Variants in FBXL2 observed in about 807,000 individuals in gnomAD.
The protein encoded by FBXL2 is F-box and leucine rich repeat protein 2.
FBXL2 carries 38 observed loss-of-function variants against 69.2 expected under a neutral mutation model. The observed-to-expected ratio is 0.55, with a 90% CI of 0.42 to 0.72. The LOEUF (loss-of-function observed/expected upper bound fraction) is 0.72. FBXL2 is among the 30% of genes least tolerant of loss of function. The pLI is 0.00. For missense variants in FBXL2, 354 were observed against 520.3 expected (o/e 0.68, Z 3.11); for synonymous variants, 192 against 201.3 (o/e 0.95, Z 0.39).
intron 2 of FBXL2, among the ~76,000 whole-genome samples, chr3:33,298,864 T>C (rs2035994951): frequency 6.6e-6 from 1 of 152,056 alleles, no homozygotes; most frequent in East Asian, 1.9e-4. Flanking sequence ...AAACCAGATT[T>C]TGTGATCAAA....
chr3:33,329,039 CAAACA>C (rs914044147), intron 2 of FBXL2, among the ~76,000 whole-genome samples: 10 of 151,970 alleles, frequency 6.6e-5, no homozygotes, highest in African/African-American at 2.2e-4. Flanking sequence ...AGTAGCAAAA[CAAACA>C]AAACAAAACA....
chr3:33,385,483 T>G lies in FBXL2; in HGVS notation c.1165-18T>G, dbSNP rs1455962290. 6.2e-7 allele frequency: 1 copy of G among 1,608,972 alleles called. No individual in the cohort carries two copies. The highest frequency in any genetic ancestry group is 8.5e-7 in the Non-Finnish European group (1 of 1,175,396). ...ATAGTAATGTGTAAAGACTCCACTT[T>G]TTTCTTCATCCTTCCAGGCTCAGCT... On this transcript the variant is annotated intron_variant, in intron 14 of 14. Coordinates refer to ENST00000484457, the MANE Select transcript of FBXL2 (RefSeq NM_012157.5).
In FBXL2 at chr3:33,387,069, C is replaced by T. The variant is rs987207845; in HGVS notation, c.*1461C>T. The stretch of plus-strand genomic sequence containing the variant: ...ATAATCTCCCCATAAACGGACTTAG[C>T]ACAATTATCATCAGAGTAAGCATTA... On this transcript the variant is annotated 3_prime_UTR_variant, in exon 15 of 15. Transcript: ENST00000484457. 2 of 152,104 alleles carry T rather than the reference C, an allele frequency of 1.3e-5. No individual in the cohort carries two copies. Among genetic ancestry groups the T allele is most frequent in the African/African-American group, 4.8e-5 (2 of 41,382 alleles). 9.4% of individuals were successfully genotyped at this position (152,104 alleles called of 1,614,324 possible).
chr3:33,299,119 G>A lies in FBXL2; in HGVS notation c.65+1394G>A, dbSNP rs183297109. On this transcript the variant is annotated intron_variant, in intron 2 of 14. Transcript: ENST00000484457. ...TGCAATGGCATGATCTCGGCTCACC[G>A]CATCTTCCGCCTCCCAGGTTCAAGC... Among the ~76,000 whole-genome samples the A allele has an allele frequency of 5.7e-4, 86 of 151,760 alleles. 1 individual carries two copies. The highest frequency in any genetic ancestry group is 3.2e-3 in the Admixed American group (48 of 15,224).
At chr3:33,394,601 C>T (rs1193399943) in intron 12 of FBXL2, among the ~76,000 whole-genome samples, 1 of 152,138 alleles carries the variant, frequency 6.6e-6, no homozygotes, top group Non-Finnish European at 1.5e-5. Flanking sequence ...CACTCTTGTA[C>T]GTCCTGCTCA....
At chr3:33,298,067 C>A in intron 2 of FBXL2, 2 of 261,510 alleles carry the variant, frequency 7.6e-6, no homozygotes, top group African/African-American at 2.3e-5. Context: ...GTTGTGAGCT[C>A]CTGAAGTCAT....
At chr3:33,324,912 A>T (rs1399491532) in intron 2 of FBXL2, among the ~76,000 whole-genome samples, 1 of 152,100 alleles carries the variant, frequency 6.6e-6, no homozygotes, top group African/African-American at 2.4e-5. Flanking sequence ...CATTTTCACG[A>T]TATTGATTCT....
downstream of FBXL2, chr3:33,390,656 A>G (rs1389123214): frequency 2.2e-5 from 10 of 463,398 alleles, no homozygotes; most frequent in Non-Finnish European, 4.0e-5. Flanking sequence ...AAGACACACA[A>G]TAATAGTGCT....
chr3:33,319,665 T>C (rs1286403320), intron 2 of FBXL2, among the ~76,000 whole-genome samples: 1 of 152,202 alleles, frequency 6.6e-6, no homozygotes, highest in Non-Finnish European at 1.5e-5. Context: ...TGATTATGTA[T>C]TTTAATGTAT....
chr3:33,384,218 G>A lies in FBXL2; in HGVS notation c.1164+17G>A. On this transcript the variant is annotated intron_variant, in intron 14 of 14. Coordinates refer to ENST00000484457, the MANE Select transcript of FBXL2 (RefSeq NM_012157.5). ...CGGATGCGGGTAGGTATGGGGCAGG[G>A]GAGTCAGTCACACCTGACATTTCTA... 1.2e-6 allele frequency: 2 copies of A among 1,610,758 alleles called. No individual in the cohort carries two copies. Among genetic ancestry groups the A allele is most frequent in the Non-Finnish European group, 8.5e-7 (1 of 1,177,858 alleles).
At chr3:33,319,047 A>G (rs1352406730) in intron 2 of FBXL2, among the ~76,000 whole-genome samples, 1 of 152,202 alleles carries the variant, frequency 6.6e-6, no homozygotes, top group Non-Finnish European at 1.5e-5. Context: ...CCCAGGCAAG[A>G]TGGGAGTTTT....
intron 2 of FBXL2, among the ~76,000 whole-genome samples, chr3:33,308,632 CT>C (rs1348039038): frequency 6.6e-6 from 1 of 152,138 alleles, no homozygotes; most frequent in Admixed American, 6.5e-5. Context: ...AACATGAGTA[CT>C]AAAAACAGGC....
At chr3:33,361,990 G>T (rs777407919) in intron 4 of FBXL2, among the ~76,000 whole-genome samples, 1 of 152,180 alleles carries the variant, frequency 6.6e-6, no homozygotes, top group African/African-American at 2.4e-5. Context: ...AATATTTGTT[G>T]TGTGCCTGAC....
chr3:33,346,948 A>G (rs1186865354), intron 2 of FBXL2, among the ~76,000 whole-genome samples: 4 of 152,218 alleles, frequency 2.6e-5, no homozygotes, highest in Non-Finnish European at 5.9e-5. Context: ...CCGTCCCTTC[A>G]AGCATTTATC....
chr3:33,338,192 G>C (rs571451220), intron 2 of FBXL2, among the ~76,000 whole-genome samples: 1 of 152,020 alleles, frequency 6.6e-6, no homozygotes, highest in South Asian at 2.1e-4. Flanking sequence ...CAGGTAGATC[G>C]CTTGCGATCA....
At chr3:33,405,167 T>C (rs1308352411), downstream of FBXL2, among the ~76,000 whole-genome samples, 1 of 151,834 alleles carries the variant, frequency 6.6e-6, no homozygotes. Flanking sequence ...GCCTCAGGAA[T>C]AAAAAATAAA....
the FBXL2 span, among the ~76,000 whole-genome samples, chr3:33,411,905 A>G: frequency 6.6e-6 from 1 of 152,130 alleles, no homozygotes; most frequent in African/African-American, 2.4e-5. Flanking sequence ...TAAGAATATG[A>G]TAAGGCTGAG....
At chr3:33,298,092 T>C (rs749297580) in intron 2 of FBXL2, 29 of 246,936 alleles carry the variant, frequency 1.2e-4, no homozygotes, top group Non-Finnish European at 2.1e-4. Flanking sequence ...TTTTTGATGT[T>C]TTCAGACAAA....
intron 2 of FBXL2, among the ~76,000 whole-genome samples, chr3:33,315,258 TTTCTC>T (rs1014093617): frequency 3.3e-5 from 5 of 151,728 alleles, no homozygotes; most frequent in Admixed American, 2.0e-4. Context: ...CTTTCTTTCT[TTTCTC>T]TTATCTTTCT....
Sources: gnomAD v4.1 joint callset for allele counts (sites outside exome capture counted in the v4.1 genomes callset) on GRCh38, gnomAD v4.1.1 for gene constraint, MANE v1.5 for transcripts, NCBI Gene and HGNC (gene_info 2026-07-23, HGNC 2026-07-21) for gene names.